BCAS3: variants seen among roughly 807,000 people sequenced by gnomAD.
BCAS3 encodes BCAS4/BCAS3 fusion.
BCAS3 carries 53 observed loss-of-function variants against 116.1 expected under a neutral mutation model. That is an observed-to-expected ratio of 0.46 (90% CI 0.37 to 0.57). The LOEUF (loss-of-function observed/expected upper bound fraction) is 0.57, where lower values mean the gene tolerates loss of function less well. Among genes scored for constraint, BCAS3 ranks in the 20% least tolerant of loss-of-function variants. BCAS3 has a pLI of 0.00. For missense variants in BCAS3, 917 were observed against 1,165.4 expected, an observed-to-expected ratio of 0.79 and a Z score of 3.10; for synonymous variants, 391 against 408.2, an observed-to-expected ratio of 0.96 and a Z score of 0.51.
At chr17:61,301,372 G>A (rs1022771003) in intron 22 of BCAS3, among the ~76,000 whole-genome samples, 1 of 152,188 alleles carries the variant, frequency 6.6e-6, no homozygotes. Context: ...GGTGACTCAC[G>A]CCTGTAATCC....
intron 6 of BCAS3, among the ~76,000 whole-genome samples, chr17:60,804,950 T>C (rs2048134078): frequency 6.6e-6 from 1 of 151,430 alleles, no homozygotes. Flanking sequence ...TCCTGTGATG[T>C]AAACTAATTT....
chr17:60,824,231 A>C (rs1231232532), intron 7 of BCAS3, among the ~76,000 whole-genome samples: 1 of 152,188 alleles, frequency 6.6e-6, no homozygotes, highest in Non-Finnish European at 1.5e-5. Flanking sequence ...CTAAGTAGGC[A>C]TACATGTATT....
At chr17:60,887,644 G>GA (rs1282337500) in intron 9 of BCAS3, among the ~76,000 whole-genome samples, 2 of 152,192 alleles carry the variant, frequency 1.3e-5, no homozygotes, top group Admixed American at 1.3e-4. Context: ...TATTCTTGTT[G>GA]AAAATCAGTG....
At chr17:61,047,206 G>T (rs2068434744) in intron 19 of BCAS3, among the ~76,000 whole-genome samples, 1 of 151,836 alleles carries the variant, frequency 6.6e-6, no homozygotes, top group African/African-American at 2.4e-5. Context: ...GAAGAATTTT[G>T]CTGTATCACA....
At chr17:61,287,353 G>C (rs760428355) in intron 22 of BCAS3, among the ~76,000 whole-genome samples, 1 of 152,088 alleles carries the variant, frequency 6.6e-6, no homozygotes. Flanking sequence ...GGTAGGGGCT[G>C]TCTTGGGGAA....
At position 61,344,951 on chromosome 17, in the gene BCAS3, A is replaced by AC. The variant is rs1481723011; in HGVS notation, c.2426-23375dup. ...CACACACATACACACACACACACGC[A>AC]CACCCCTCACAGAAAAATAGCCACT... On this transcript the variant is annotated intron_variant, in intron 22 of 23. Coordinates refer to ENST00000407086, the MANE Select transcript of BCAS3 (RefSeq NM_017679.5). This position sits in a 1 kb window ranked among gnomAD's most constrained non-coding sequence, Gnocchi z 4.1. Among the ~76,000 whole-genome samples the AC allele has an allele frequency of 6.6e-6, 1 of 151,970 alleles. No homozygotes were observed. Among genetic ancestry groups the AC allele is most frequent in the African/African-American group, 2.4e-5 (1 of 41,366 alleles).
intron 22 of BCAS3, among the ~76,000 whole-genome samples, chr17:61,221,339 C>T (rs1209968138): frequency 6.6e-6 from 1 of 152,176 alleles, no homozygotes; most frequent in Non-Finnish European, 1.5e-5. Context: ...TTATCACCAT[C>T]CACAGTGTTG....
chr17:61,212,292 C>T (rs189084455), intron 22 of BCAS3, among the ~76,000 whole-genome samples: 27 of 152,218 alleles, frequency 1.8e-4, no homozygotes, highest in Admixed American at 1.7e-3. Flanking sequence ...GGCTGGAGTG[C>T]AGCAGTGTAA....
chr17:61,360,791 G>C (rs765322590), intron 22 of BCAS3, among the ~76,000 whole-genome samples: 5 of 152,338 alleles, frequency 3.3e-5, no homozygotes, highest in Admixed American at 2.6e-4. Flanking sequence ...TTTGGGTGGC[G>C]TGGTGGGGTG....
At chr17:60,770,042 G>A (rs2044505513) in intron 6 of BCAS3, among the ~76,000 whole-genome samples, 1 of 152,080 alleles carries the variant, frequency 6.6e-6, no homozygotes, top group Non-Finnish European at 1.5e-5. Context: ...CAAAGTGCTG[G>A]GATTATAGGT....
rs780783477 is a variant in BCAS3, at chr17:61,380,517, G to A, written c.2594-11460G>A. On this transcript the variant is annotated intron_variant, in intron 23 of 23. Coordinates refer to ENST00000407086, the MANE Select transcript of BCAS3 (RefSeq NM_017679.5). The surrounding 1 kb of genome is among the most constrained non-coding windows in gnomAD (Gnocchi z 4.2). Reference sequence around the variant, plus strand: ...TATTTTCAATACAGACACAGCCCTTGACGTAGCAGTAAAAACCTTCCCCCC... The same window carrying A: ...TATTTTCAATACAGACACAGCCCTTAACGTAGCAGTAAAAACCTTCCCCCC... 3 of 1,598,072 alleles carry A rather than the reference G, an allele frequency of 1.9e-6. No individual in the cohort carries two copies. In the East Asian group the frequency reaches 6.7e-5, roughly 36 times the overall value.
At chr17:61,359,930 GT>G (rs907657434) in intron 22 of BCAS3, among the ~76,000 whole-genome samples, 20 of 152,048 alleles carry the variant, frequency 1.3e-4, no homozygotes, top group Non-Finnish European at 5.9e-5. Context: ...TTTAGCATGG[GT>G]GATTCCATTT....
At chr17:61,090,158 T>C (rs531790456) in intron 22 of BCAS3, among the ~76,000 whole-genome samples, 1 of 152,348 alleles carries the variant, frequency 6.6e-6, no homozygotes, top group South Asian at 2.1e-4. Context: ...CAAAACTTTT[T>C]TTACCACCTT....
intron 22 of BCAS3, among the ~76,000 whole-genome samples, chr17:61,271,545 TC>T (rs1393672167): frequency 6.7e-6 from 1 of 150,256 alleles, no homozygotes; most frequent in African/African-American, 2.5e-5. Flanking sequence ...TGCCTCAGCC[TC>T]CTGGGTAGCT....
chr17:61,040,880 C>T lies in BCAS3; in HGVS notation c.2017C>T (p.Leu673=). The T allele has an allele frequency of 1.2e-6, 2 of 1,613,832 alleles. No homozygotes were observed. Among genetic ancestry groups the T allele is most frequent in the Non-Finnish European group, 1.7e-6 (2 of 1,179,828 alleles). Residue 673 remains leucine, a synonymous_variant, in exon 19 of 24, where the codon CTG becomes TTG. Coordinates refer to ENST00000407086, the MANE Select transcript of BCAS3 (RefSeq NM_017679.5). ...AGATGCAGTACAGTATTATCAGTTC[C>T]TGCTTGCTGGCCGTAAGTAGTTCAG... ...AADAVQYYQF[L]LAGLVPPGSP...
At chr17:60,753,383 T>TTTTATTTATTTATTTA (rs35459382) in intron 6 of BCAS3, among the ~76,000 whole-genome samples, 29 of 135,638 alleles carry the variant, frequency 2.1e-4, no homozygotes, top group African/African-American at 3.0e-4. Context: ...TTGTCTCTTA[T>TTTTATTTATTTATTTA]TTTATTTATT....
intron 6 of BCAS3, among the ~76,000 whole-genome samples, chr17:60,759,298 T>C (rs943611819): frequency 2.6e-5 from 4 of 152,222 alleles, no homozygotes; most frequent in African/African-American, 9.6e-5. Context: ...CCTGGCAACA[T>C]AGCAAGTCCC....
In BCAS3 at chr17:60,973,583, A is replaced by ATTT. The variant is rs1283039174; in HGVS notation, c.1222-16386_1222-16385insTTT. ...CCCTAGACATTGCTATTACCTTATT[A>ATTT]TTAATATATATATATATATATATAT... On this transcript the variant is annotated intron_variant, in intron 14 of 23. Coordinates refer to ENST00000407086, the MANE Select transcript of BCAS3 (RefSeq NM_017679.5). 3.6e-3 allele frequency among the ~76,000 whole-genome samples: 508 copies of ATTT among 141,774 alleles called. 12 individuals carry two copies. Among genetic ancestry groups the ATTT allele is most frequent in the African/African-American group, 0.014 (479 of 34,346 alleles). 93.0% of individuals were successfully genotyped at this position (141,774 alleles called of 152,430 possible). A position where few individuals can be genotyped will look rare whatever the true frequency, so the allele number is the denominator to read the frequency against.
chr17:60,766,973 G>A (rs192437873), intron 6 of BCAS3, among the ~76,000 whole-genome samples: 14 of 152,346 alleles, frequency 9.2e-5, no homozygotes, highest in Non-Finnish European at 1.5e-5. Context: ...CTAGCAGTGA[G>A]CAAGGCTCCA....
Sources: gnomAD v4.1 joint callset for allele counts (sites outside exome capture counted in the v4.1 genomes callset) on GRCh38, gnomAD v4.1.1 for gene constraint, Gnocchi (gnomAD v3.1) non-coding constraint, MANE v1.5 for transcripts, NCBI Gene and HGNC (gene_info 2026-07-23, HGNC 2026-07-21) for gene names.